Variants in CYP1A2 observed in about 807,000 individuals in gnomAD.
CYP1A2 encodes cytochrome P450 family 1 subfamily A member 2, also known as cytochrome P450 1A2.
CYP1A2 carries 35 observed loss-of-function variants against 34.7 expected under a neutral mutation model. That is an observed-to-expected ratio of 1.01 (90% CI 0.77 to 1.34). The LOEUF (loss-of-function observed/expected upper bound fraction) is 1.34. Among genes scored for constraint, CYP1A2 ranks in the 40% most tolerant of loss-of-function variants. The pLI is 0.00. For synonymous variants in CYP1A2, 288 were observed against 281.9 expected, an observed-to-expected ratio of 1.02 and a Z score of -0.22; for missense variants, 675 against 675.8, an observed-to-expected ratio of 1.00 and a Z score of 0.01.
At position 74,756,356 on chromosome 15, in the gene CYP1A2, A is replaced by C. The variant is rs1240162288; in HGVS notation, c.*1268A>C. ...AGTCTCAAACTCCTGACCTCAAGTG[A>C]TCTGCCCGCCTCGACCTCTCTCAAA... On this transcript the variant is annotated 3_prime_UTR_variant, in exon 7 of 7. Transcript: ENST00000343932. Among the ~76,000 whole-genome samples, 14 of 152,046 alleles carry C rather than the reference A, an allele frequency of 9.2e-5. No individual in the cohort carries two copies. The highest frequency in any genetic ancestry group is 9.2e-4 in the Admixed American group (14 of 15,260).
chr15:74,751,091 GGGTACCCAGCCACCA>G, intron 2 of CYP1A2, 83 bp from the exon 3 acceptor site: 1 of 1,515,972 alleles, frequency 6.6e-7, no homozygotes, highest in Non-Finnish European at 8.9e-7. Context: ...GAGGATAGGG[GGGTACCCAGCCACCA>G]GGTACAGGCC....
In CYP1A2 at chr15:74,749,789, C is replaced by T; in HGVS notation, c.51C>T (p.Ala17=). The T allele has an allele frequency of 6.4e-7, 1 of 1,573,662 alleles. No individual in the cohort carries two copies. The highest frequency in any genetic ancestry group is 8.6e-7 in the Non-Finnish European group (1 of 1,156,660). The change falls in exon 2 of 7, where the codon GCC becomes GCT. Residue 17 remains alanine, a synonymous_variant. Transcript: ENST00000343932. ...TCTCGGCCACAGAGCTTCTCCTGGCCTCTGCCATCTTCTGCCTGGTATTCT... is the reference window on the plus strand; with the variant it reads ...TCTCGGCCACAGAGCTTCTCCTGGCTTCTGCCATCTTCTGCCTGGTATTCT... ...VPFSATELLL[A]SAIFCLVFWV... is the part of the protein sequence containing the mutation.
intron 3 of CYP1A2, 58 bp downstream of exon 3, chr15:74,751,367 T>C (rs1395940016): frequency 5.6e-6 from 9 of 1,603,932 alleles, no homozygotes; most frequent in Non-Finnish European, 6.8e-6. Context: ...CCCACAGCCT[T>C]GCCCAGCCCC....
chr15:74,754,311 A>T (rs2063328505), intron 6 of CYP1A2, among the ~76,000 whole-genome samples: 1 of 151,962 alleles, frequency 6.6e-6, no homozygotes, highest in Non-Finnish European at 1.5e-5. Context: ...TTTGTAAAAG[A>T]AATAAGCATC....
chr15:74,754,420 G>A lies in CYP1A2; in HGVS notation c.1254-371G>A, dbSNP rs184175520. ...ATGAGTCTGAGACCAGTGAAACCCC[G>A]TCTCTGCAAAAAAAAAAAAAAAAAA... On this transcript the variant is annotated intron_variant, in intron 6 of 6. Coordinates refer to ENST00000343932, the MANE Select transcript of CYP1A2 (RefSeq NM_000761.5). 1.3e-3 allele frequency among the ~76,000 whole-genome samples: 167 copies of A among 125,094 alleles called. 1 individual carries two copies. The highest frequency in any genetic ancestry group is 4.7e-3 in the African/African-American group (152 of 32,230). The allele number at this position is 125,094 out of a possible 152,430, so 82.1% of individuals were successfully genotyped here.
In CYP1A2 at chr15:74,750,577, C is replaced by T. The variant is rs778361701; in HGVS notation, c.831+8C>T. Reference sequence around the variant, plus strand: ...TATCAGGACTTTGACAAGGTGAGCCCGGGGTGCAGGTGGCAAGGGGCACCT... The same window carrying T: ...TATCAGGACTTTGACAAGGTGAGCCTGGGGTGCAGGTGGCAAGGGGCACCT... On this transcript the variant is annotated splice_region_variant and intron_variant, in intron 2 of 6. Coordinates refer to ENST00000343932, the MANE Select transcript of CYP1A2 (RefSeq NM_000761.5). The T allele has an allele frequency of 2.5e-6, 4 of 1,610,318 alleles. No individual in the cohort carries two copies. Among genetic ancestry groups the T allele is most frequent in the African/African-American group, 2.7e-5 (2 of 74,796 alleles).
rs1328210184 is a variant in CYP1A2 at position 74,754,829 on chromosome 15, G to C, written c.1292G>C (p.Arg431Pro). 1 of 1,614,082 alleles carries C rather than the reference G, an allele frequency of 6.2e-7. No homozygotes were observed. Among genetic ancestry groups the C allele is most frequent in the South Asian group, 1.1e-5 (1 of 91,080 alleles). Residue 431 changes from arginine (R) to proline (P), a missense_variant, in exon 7 of 7, where the codon CGG becomes CCG. By Grantham distance (103) the Arg-to-Pro change is moderately radical. Coordinates refer to ENST00000343932, the MANE Select transcript of CYP1A2 (RefSeq NM_000761.5). ...WEDPSEFRPE[R>P]FLTADGTAIN... ...GACCCCTCTGAGTTCCGGCCTGAGC[G>C]GTTCCTCACCGCCGATGGCACTGCC... is the stretch of plus-strand genomic sequence containing the variant.
chr15:74,750,270 G>A lies in CYP1A2; in HGVS notation c.532G>A (p.Glu178Lys), dbSNP rs768885942. The change falls in exon 2 of 7, where the codon GAG becomes AAG. Residue 178 changes from glutamate to lysine, a missense_variant. Transcript: ENST00000343932. ...EAKALISRLQ[E>K]LMAGPGHFDP... ...TAAGGCCCTGATCAGCAGGTTGCAGGAGCTGATGGCAGGGCCTGGGCACTT... is the reference window on the plus strand; with the variant it reads ...TAAGGCCCTGATCAGCAGGTTGCAGAAGCTGATGGCAGGGCCTGGGCACTT... The A allele has an allele frequency of 3.7e-6, 6 of 1,614,216 alleles. No homozygotes were observed. The highest frequency in any genetic ancestry group is 1.1e-5 in the South Asian group (1 of 91,086).
Position 74,753,204 on chromosome 15 carries a change from T to C in CYP1A2, c.1187T>C (p.Leu396Pro), listed in dbSNP as rs1389711492. 1 of 1,613,704 alleles carries C rather than the reference T, an allele frequency of 6.2e-7. No homozygotes were observed. Among genetic ancestry groups the C allele is most frequent in the Admixed American group, 1.7e-5 (1 of 59,996 alleles). ...CTCAGCACAACAAGGGACACAACGC[T>C]GAATGGCTTCTACATCCCCAAGAAA... Reference protein sequence around the residue: ...IPHSTTRDTTLNGFYIPKKCC... With the variant: ...IPHSTTRDTTPNGFYIPKKCC... Residue 396 changes from leucine to proline, a missense_variant, in exon 6 of 7, where the codon CTG (leucine) becomes CCG (proline). Transcript: ENST00000343932.
In CYP1A2 at chr15:74,752,161, T is replaced by C. The variant is rs1417300137; in HGVS notation, c.1080T>C (p.Ser360=). ...GCAGGGAGCGGCGGCCCCGGCTCTC[T>C]GACAGACCCCAGCTGCCCTACTTGG... ...VIGRERRPRL[S]DRPQLPYLEA... Residue 360 remains serine, a synonymous_variant, in exon 5 of 7, where the codon TCT becomes TCC. Coordinates refer to ENST00000343932, the MANE Select transcript of CYP1A2 (RefSeq NM_000761.5). 2 of 1,613,996 alleles carry C rather than the reference T, an allele frequency of 1.2e-6. No homozygotes were observed. Among genetic ancestry groups the C allele is most frequent in the East Asian group, 2.2e-5 (1 of 44,898 alleles).
Position 74,750,407 on chromosome 15 carries a change from T to A in CYP1A2, c.669T>A (p.Thr223=). Residue 223 remains threonine, a synonymous_variant, in exon 2 of 7, where the codon ACT becomes ACA. Coordinates refer to ENST00000343932, the MANE Select transcript of CYP1A2 (RefSeq NM_000761.5). ...AGATGCTCAGCCTCGTGAAGAACAC[T>A]CATGAGTTCGTGGAGACTGCCTCCT... ...SDEMLSLVKN[T]HEFVETASSG... The A allele has an allele frequency of 3.1e-6, 5 of 1,614,150 alleles. No individual in the cohort carries two copies. Among genetic ancestry groups the A allele is most frequent in the Non-Finnish European group, 3.4e-6 (4 of 1,180,026 alleles).
chr15:74,749,791 C>T lies in CYP1A2; in HGVS notation c.53C>T (p.Ser18Phe), dbSNP rs17861152. The T allele has an allele frequency of 1.0e-5, 16 of 1,575,020 alleles. No homozygotes were observed. The highest frequency in any genetic ancestry group is 1.4e-5 in the Non-Finnish European group (16 of 1,157,326). ...PFSATELLLA[S>F]AIFCLVFWVL... ...TCGGCCACAGAGCTTCTCCTGGCCT[C>T]TGCCATCTTCTGCCTGGTATTCTGG... Residue 18 changes from serine (S) to phenylalanine (F), a missense_variant, in exon 2 of 7, where the codon TCT becomes TTT. Coordinates refer to ENST00000343932, the MANE Select transcript of CYP1A2 (RefSeq NM_000761.5).
Position 74,751,279 on chromosome 15 carries a change from G to A in CYP1A2, c.922G>A (p.Val308Ile). The A allele has an allele frequency of 3.1e-6, 5 of 1,614,150 alleles. No individual in the cohort carries two copies. The highest frequency in any genetic ancestry group is 4.2e-6 in the Non-Finnish European group (5 of 1,180,012). ...SGNLIPQEKI[V>I]NLVNDIFGAG... ...CAACCTCATCCCACAGGAGAAGATT[G>A]TCAACCTTGTCAATGACATCTTTGG... Residue 308 changes from valine (V) to isoleucine (I), a missense_variant, in exon 3 of 7, where the codon GTC (valine) becomes ATC (isoleucine). Coordinates refer to ENST00000343932, the MANE Select transcript of CYP1A2 (RefSeq NM_000761.5).
At chr15:74,749,562 T>C (rs929781993) in intron 1 of CYP1A2, among the ~76,000 whole-genome samples, 168 bp from the exon 2 acceptor site, 13 of 152,120 alleles carry the variant, frequency 8.5e-5, no homozygotes, top group Non-Finnish European at 2.9e-5. Flanking sequence ...GCTCAAAGGG[T>C]GAGCTCTGTG....
At chr15:74,752,862 G>A (rs1019214982) in intron 5 of CYP1A2, among the ~76,000 whole-genome samples, 1 of 137,688 alleles carries the variant, frequency 7.3e-6, no homozygotes, top group Non-Finnish European at 1.5e-5. Flanking sequence ...GCCCCAGGCT[G>A]CCTGCTGCTT....
chr15:74,750,402 A>G lies in CYP1A2; in HGVS notation c.664A>G (p.Asn222Asp). The G allele has an allele frequency of 6.2e-7, 1 of 1,614,110 alleles. No individual in the cohort carries two copies. Among genetic ancestry groups the G allele is most frequent in the Non-Finnish European group, 8.5e-7 (1 of 1,180,020 alleles). Reference protein sequence around the residue: ...SSDEMLSLVKNTHEFVETASS... With the variant: ...SSDEMLSLVKDTHEFVETASS... ...CGATGAGATGCTCAGCCTCGTGAAG[A>G]ACACTCATGAGTTCGTGGAGACTGC... Residue 222 changes from asparagine to aspartate, a missense_variant, in exon 2 of 7, where the codon AAC (asparagine) becomes GAC (aspartate). Physicochemically the swap from Asn to Asp is conservative, Grantham distance 23. Transcript: ENST00000343932.
rs45486893 is a variant in CYP1A2, at chr15:74,754,850, C to T, written c.1313C>T (p.Thr438Ile). 9.3e-4 allele frequency: 1,504 copies of T among 1,614,188 alleles called. 7 individuals are homozygous for T. Among genetic ancestry groups the T allele is most frequent in the East Asian group, 8.6e-3 (384 of 44,876 alleles). The change falls in exon 7 of 7, where the codon ACT becomes ATT. Residue 438 changes from threonine (T) to isoleucine (I), a missense_variant. Thr to Ile is a moderately conservative substitution (Grantham distance 89). Transcript: ENST00000343932. Reference sequence around the variant, plus strand: ...GAGCGGTTCCTCACCGCCGATGGCACTGCCATTAACAAGCCCTTGAGTGAG... The same window carrying T: ...GAGCGGTTCCTCACCGCCGATGGCATTGCCATTAACAAGCCCTTGAGTGAG... Reference protein sequence around the residue: ...RPERFLTADGTAINKPLSEKM... With the variant: ...RPERFLTADGIAINKPLSEKM...
chr15:74,749,069 T>A (rs984179644), intron 1 of CYP1A2, among the ~76,000 whole-genome samples, 172 bp downstream of exon 1: 1 of 152,222 alleles, frequency 6.6e-6, no homozygotes, highest in African/African-American at 2.4e-5. Context: ...CAGTTTGGAC[T>A]AAGCCATTTT....
chr15:74,751,329 C>T lies in CYP1A2; in HGVS notation c.952+20C>T, dbSNP rs760143725. 6 of 1,613,320 alleles carry T rather than the reference C, an allele frequency of 3.7e-6. No homozygotes were observed. Among genetic ancestry groups the T allele is most frequent in the South Asian group, 1.1e-5 (1 of 90,962 alleles). ...GAGCAGGTAGGAACCAGAACCTTGCCCCTCCATCCAACAATGCCTGCTGTT... is the reference window on the plus strand; with the variant it reads ...GAGCAGGTAGGAACCAGAACCTTGCTCCTCCATCCAACAATGCCTGCTGTT... On this transcript the variant is annotated intron_variant, in intron 3 of 6. Transcript: ENST00000343932.
Sources: allele counts gnomAD v4.1 joint callset (sites outside exome capture counted in the v4.1 genomes callset), GRCh38; gene constraint gnomAD v4.1.1; transcripts MANE v1.5; gene names NCBI Gene and HGNC (gene_info 2026-07-23, HGNC 2026-07-21).